Variants in KIF24 observed in about 807,000 individuals in gnomAD.
KIF24 encodes kinesin-like protein KIF24.
Under a neutral mutation model 118.9 loss-of-function variants are expected in KIF24, and 81 were observed. That is an observed-to-expected ratio of 0.68 (90% CI 0.57 to 0.82). KIF24 has a LOEUF of 0.82. Among genes scored for constraint, KIF24 ranks in the 40% least tolerant of loss-of-function variants. The pLI is 0.00. For missense variants in KIF24, 1,560 were observed against 1,661.6 expected (o/e 0.94, Z 1.06); for synonymous variants, 599 against 610.0 (o/e 0.98, Z 0.27).
Position 34,259,621 on chromosome 9 carries a change from G to T in KIF24, c.1600C>A (p.Leu534Ile), listed in dbSNP as rs767120832. ...SPSHVATEHT[L>I]NTLRYADRVK... is the part of the protein sequence containing the mutation. ...CGGTCAGCATAGCGCAAGGTGTTGA[G>T]AGTGTGTTCAGTGGCCACGTGGCTT... Residue 534 changes from leucine to isoleucine, a missense_variant, in exon 10 of 13, where the codon CTC (leucine) becomes ATC (isoleucine). Around this residue, in one of 3 missense-constraint regions of KIF24, gnomAD observed 964 missense variants for 988.0 expected, o/e 0.98. Coordinates refer to ENST00000402558, the MANE Select transcript of KIF24 (RefSeq NM_194313.4). 1 of 1,613,958 alleles carries T rather than the reference G, an allele frequency of 6.2e-7. No individual in the cohort carries two copies.
At position 34,320,332 on chromosome 9, in the gene KIF24, CAAAAA is replaced by C. The variant is rs66835823; in HGVS notation, c.-26+8769_-26+8773del. The stretch of plus-strand genomic sequence containing the variant: ...TTTTCTTTTCAATAAAATGTTCCAA[CAAAAA>C]AAAAAAAAAAAGAAAAAGAAAAGAA... On this transcript the variant is annotated intron_variant, in intron 1 of 12. Coordinates refer to ENST00000402558, the MANE Select transcript of KIF24 (RefSeq NM_194313.4). Among the ~76,000 whole-genome samples, 3 of 106,316 alleles carry C rather than the reference CAAAAA, an allele frequency of 2.8e-5. No homozygotes were observed. In the Admixed American group the frequency reaches 2.9e-4, roughly 10 times the overall value. The allele number at this position is 106,316 out of a possible 152,430, so 69.7% of individuals were successfully genotyped here.
At chr9:34,271,472 G>A (rs1296766553) in intron 7 of KIF24, among the ~76,000 whole-genome samples, 1 of 152,114 alleles carries the variant, frequency 6.6e-6, no homozygotes, top group East Asian at 1.9e-4. Flanking sequence ...CTTCTTTCAA[G>A]AAGAATGGAT....
Position 34,256,606 on chromosome 9 carries a change from T to A in KIF24, c.3001A>T (p.Arg1001Ter). The A allele has an allele frequency of 6.2e-7, 1 of 1,613,936 alleles. No individual in the cohort carries two copies. Among genetic ancestry groups the A allele is most frequent in the Non-Finnish European group, 8.5e-7 (1 of 1,179,910 alleles). ...HVAVPGSPDQRDTVTTPLREV... is the reference protein window; with the variant it reads ...HVAVPGSPDQ ...CTCAGAGGTGTGGTGACTGTGTCTC[T>A]TTGGTCTGGGGATCCAGGAACTGCA... The change falls in exon 11 of 13, where the codon AGA (arginine) becomes TGA (stop). Residue 1001 changes from arginine to a stop codon, truncating the protein, a stop_gained. Transcript: ENST00000402558. LOFTEE classifies it high-confidence loss of function.
intron 1 of KIF24, among the ~76,000 whole-genome samples, chr9:34,325,395 C>A (rs1837643154): frequency 1.4e-5 from 2 of 144,118 alleles, no homozygotes; most frequent in African/African-American, 5.1e-5. Flanking sequence ...TACCCAGGTT[C>A]TAAAACAGTG....
chr9:34,318,678 A>T lies in KIF24; in HGVS notation c.-25-7307T>A, dbSNP rs1587973804. On this transcript the variant is annotated intron_variant, in intron 1 of 12. Transcript: ENST00000402558. This position sits in a 1 kb window ranked among gnomAD's most constrained non-coding sequence, Gnocchi z 4.9. ...GGCGGCAAGGCGACCACGGCGTCGGAGGCCAAGGCAGTGCTGAGTGCCAAG... is the reference window on the plus strand; with the variant it reads ...GGCGGCAAGGCGACCACGGCGTCGGTGGCCAAGGCAGTGCTGAGTGCCAAG... The T allele has an allele frequency of 6.5e-7, 1 of 1,539,140 alleles. No individual in the cohort carries two copies. The highest frequency in any genetic ancestry group is 8.8e-7 in the Non-Finnish European group (1 of 1,134,342).
intron 4 of KIF24, among the ~76,000 whole-genome samples, chr9:34,295,545 G>A (rs1000694377): frequency 6.6e-6 from 1 of 152,108 alleles, no homozygotes; most frequent in Non-Finnish European, 1.5e-5. Context: ...GGGCGTGGTG[G>A]CAGGCACCTG....
intron 6 of KIF24, among the ~76,000 whole-genome samples, chr9:34,277,604 A>G (rs1348223531): frequency 1.3e-5 from 2 of 152,214 alleles, no homozygotes; most frequent in East Asian, 1.9e-4. Flanking sequence ...CTTGTACACC[A>G]TAATGTACTG....
At chr9:34,333,040 C>A (rs1837988765), upstream of KIF24, among the ~76,000 whole-genome samples, 1 of 152,104 alleles carries the variant, frequency 6.6e-6, no homozygotes. Context: ...AAACAGTTGG[C>A]TTTCCTCCTC....
intron 5 of KIF24, among the ~76,000 whole-genome samples, chr9:34,287,329 C>T (rs1176998699): frequency 6.6e-6 from 1 of 152,150 alleles, no homozygotes; most frequent in Non-Finnish European, 1.5e-5. Flanking sequence ...TAAGCTAGTA[C>T]ACATGGGGTT....
At chr9:34,275,844 A>C (rs1835640426) in intron 6 of KIF24, among the ~76,000 whole-genome samples, 1 of 152,128 alleles carries the variant, frequency 6.6e-6, no homozygotes, top group South Asian at 2.1e-4. Flanking sequence ...GTCTAAAAAA[A>C]AAAATTATTT....
chr9:34,312,206 G>A (rs747033882), intron 1 of KIF24, among the ~76,000 whole-genome samples: 1 of 152,138 alleles, frequency 6.6e-6, no homozygotes, highest in South Asian at 2.1e-4. Context: ...GGTGGTCATC[G>A]ATCTCTACCT....
At chr9:34,323,281 TTTATGG>T (rs1323658618) in intron 1 of KIF24, among the ~76,000 whole-genome samples, 4 of 152,228 alleles carry the variant, frequency 2.6e-5, no homozygotes, top group Admixed American at 1.3e-4. Context: ...TTCAAGTTTG[TTTATGG>T]TTAAGTAGCT....
At chr9:34,321,075 G>A (rs1245469783) in intron 1 of KIF24, among the ~76,000 whole-genome samples, 2 of 152,094 alleles carry the variant, frequency 1.3e-5, no homozygotes, top group African/African-American at 4.8e-5. Context: ...TAAAGCACTG[G>A]TATAACACAT....
chr9:34,273,343 T>A (rs970517685), intron 6 of KIF24, among the ~76,000 whole-genome samples: 15 of 143,808 alleles, frequency 1.0e-4, no homozygotes, highest in African/African-American at 3.1e-4. Context: ...TGTGGAAAGA[T>A]AATGAAGGGA....
chr9:34,300,939 G>A (rs1023563708), intron 3 of KIF24, among the ~76,000 whole-genome samples: 2 of 151,242 alleles, frequency 1.3e-5, no homozygotes, highest in Admixed American at 1.3e-4. Context: ...CGAGTATATG[G>A]CAATTCTGTC....
intron 3 of KIF24, among the ~76,000 whole-genome samples, chr9:34,299,823 CGTGTGT>C (rs34056151): frequency 5.4e-4 from 72 of 133,148 alleles, no homozygotes; most frequent in Non-Finnish European, 7.8e-4. Flanking sequence ...TGTGTGTGTG[CGTGTGT>C]GTGTGTGTGT....
chr9:34,307,849 A>G (rs1230642774), intron 2 of KIF24, among the ~76,000 whole-genome samples: 2 of 143,922 alleles, frequency 1.4e-5, no homozygotes, highest in African/African-American at 5.0e-5. Context: ...CAACAGAGCA[A>G]GACTCTGTCT....
chr9:34,306,921 G>A (rs745328700), intron 2 of KIF24, among the ~76,000 whole-genome samples: 2 of 151,808 alleles, frequency 1.3e-5, no homozygotes, highest in African/African-American at 2.4e-5. Flanking sequence ...ACCCTGCTCC[G>A]CCCTTTTCCT....
At chr9:34,284,667 C>T (rs1258132416) in intron 6 of KIF24, among the ~76,000 whole-genome samples, 2 of 152,080 alleles carry the variant, frequency 1.3e-5, no homozygotes, top group Non-Finnish European at 2.9e-5. Context: ...GGGATAAATA[C>T]ATAGGTGGTA....
Sources: gnomAD v4.1 joint callset for allele counts (sites outside exome capture counted in the v4.1 genomes callset) on GRCh38, gnomAD v4.1.1 for gene constraint, gnomAD v4.1.1 regional missense constraint, Gnocchi (gnomAD v3.1) non-coding constraint, MANE v1.5 for transcripts, NCBI Gene and HGNC (gene_info 2026-07-23, HGNC 2026-07-21) for gene names.